The following DST variants were observed in gnomAD, a reference collection of about 807,000 sequenced individuals.
The protein encoded by DST is bullous pemphigoid antigen.
In DST, 253 loss-of-function variants were observed where a neutral mutation model predicts 875.2. That is an observed-to-expected ratio of 0.29 (90% CI 0.26 to 0.32). The LOEUF is 0.32. Ranked by LOEUF, DST falls within the 10% of genes least tolerant of loss-of-function variation. DST has a pLI of 1.00. For missense variants in DST, 8,287 were observed against 9,111.6 expected (o/e 0.91, Z 3.68); for synonymous variants, 3,124 against 3,197.1 (o/e 0.98, Z 0.77).
intron 10 of DST, among the ~76,000 whole-genome samples, chr6:56,661,506 C>T (rs2099041513): frequency 6.6e-6 from 1 of 151,994 alleles, no homozygotes; most frequent in African/African-American, 2.4e-5. Flanking sequence ...GGAGGGGAAA[C>T]TCATGTTGAT....
At chr6:56,942,765 G>C (rs1374688151) in intron 2 of DST, among the ~76,000 whole-genome samples, 1 of 143,594 alleles carries the variant, frequency 7.0e-6, no homozygotes, top group Non-Finnish European at 1.5e-5. Context: ...GCCCAGGCTA[G>C]AGTGCAGTGG....
At chr6:56,707,481 G>T (rs1217968803) in intron 5 of DST, among the ~76,000 whole-genome samples, 1 of 152,262 alleles carries the variant, frequency 6.6e-6, no homozygotes, top group Admixed American at 6.5e-5. Flanking sequence ...TGGCTTTATT[G>T]TGCAGGTCTG....
intron 69 of DST, among the ~76,000 whole-genome samples, chr6:56,523,206 G>A (rs1471602996): frequency 6.6e-6 from 1 of 152,002 alleles, no homozygotes; most frequent in Non-Finnish European, 1.5e-5. Flanking sequence ...CTGGTGGGTG[G>A]TATCAGTGAA....
intron 90 of DST, among the ~76,000 whole-genome samples, chr6:56,480,090 C>T (rs1029568684): frequency 1.3e-5 from 2 of 152,004 alleles, no homozygotes; most frequent in South Asian, 2.1e-4. Context: ...TTTGTGTTCC[C>T]GGTAGTTGGT....
chr6:56,608,433 A>G lies in DST; in HGVS notation c.6195T>C (p.Ala2065=), dbSNP rs1427326509. 1 of 1,613,772 alleles carries G rather than the reference A, an allele frequency of 6.2e-7. No homozygotes were observed. Among genetic ancestry groups the G allele is most frequent in the East Asian group, 2.2e-5 (1 of 44,884 alleles). ...AAATGAGTCCAACATAGCCTCGCTG[A>G]GCTTCCAGGACCAGAAGAGCACTGC... ...TSSSALLVLE[A]QRGYVGLIWP... The change falls in exon 40 of 104, where the codon GCT becomes GCC. Residue 2065 remains alanine, a synonymous_variant. Coordinates refer to ENST00000680361, the MANE Select transcript of DST (RefSeq NM_001374736.1).
intron 36 of DST, chr6:56,618,808 T>C (rs2098656346): frequency 6.2e-7 from 1 of 1,614,062 alleles, no homozygotes; most frequent in South Asian, 1.1e-5. Flanking sequence ...TACCAGATTC[T>C]TCCTGAAACA....
At position 56,718,376 on chromosome 6, in the gene DST, C is replaced by T. The variant is rs2099402322; in HGVS notation, c.688-14007G>A. ...ATTAAAATGAGCTAACACTTCACAC[C>T]TTCTAGGATTGCTAAAATCAAAGAC... On this transcript the variant is annotated intron_variant, in intron 5 of 103. Coordinates refer to ENST00000680361, the MANE Select transcript of DST (RefSeq NM_001374736.1). Among the ~76,000 whole-genome samples the T allele has an allele frequency of 2.6e-5, 4 of 152,154 alleles. No individual in the cohort carries two copies. The South Asian group carries it at 6.2e-4, about 24-fold the overall frequency.
chr6:56,471,570 T>C (rs1404003529), intron 94 of DST, among the ~76,000 whole-genome samples: 1 of 152,180 alleles, frequency 6.6e-6, no homozygotes, highest in Non-Finnish European at 1.5e-5. Context: ...CTCACTGGGA[T>C]AGCAGGTCCA....
chr6:56,871,042 C>A (rs1776845881), intron 3 of DST: 4 of 400,228 alleles, frequency 1.0e-5, no homozygotes, highest in Admixed American at 7.9e-5. Flanking sequence ...TACAAACAAC[C>A]AAAGAAGAAA....
chr6:56,555,539 T>G lies in DST; in HGVS notation c.14942A>C (p.Asp4981Ala). Residue 4981 changes from aspartate to alanine, a missense_variant, in exon 60 of 104, where the codon GAT (aspartate) becomes GCT (alanine). Around this residue, in one of 10 missense-constraint regions of DST, gnomAD observed 1,513 missense variants for 1,677.8 expected, o/e 0.90. Coordinates refer to ENST00000680361, the MANE Select transcript of DST (RefSeq NM_001374736.1). The part of the protein sequence containing the change: ...SSSLAVSTHP[D>A]AMNQQLETAQ... ...TGTTTCCAACTGTTGGTTCATAGCA[T>G]CAGGGTGCGTGCTCACAGCCAGACT... 1 of 1,614,038 alleles carries G rather than the reference T, an allele frequency of 6.2e-7. No individual in the cohort carries two copies. The highest frequency in any genetic ancestry group is 8.5e-7 in the Non-Finnish European group (1 of 1,179,904).
chr6:56,606,737 C>T lies in DST; in HGVS notation c.7891G>A (p.Asp2631Asn), dbSNP rs2152711304. 1 of 1,613,452 alleles carries T rather than the reference C, an allele frequency of 6.2e-7. No homozygotes were observed. Among genetic ancestry groups the T allele is most frequent in the Middle Eastern group, 1.7e-4 (1 of 6,058 alleles). The change falls in exon 40 of 104, where the codon GAT becomes AAT. Residue 2631 changes from aspartate to asparagine, a missense_variant. By Grantham distance (23) the Asp-to-Asn change is conservative. This residue lies in a region of DST where 3,138 missense variants were observed against 3,116.6 expected (regional missense o/e 1.01). Transcript: ENST00000680361. ...DDHDSLLLDG[D>N]DRDCLHPEDY... ...TCAGGGTGCAGGCAATCACGATCAT[C>T]ACCATCAAGAAGCAAAGAATCATGG...
At chr6:56,543,923 C>A (rs1268063567) in intron 61 of DST, among the ~76,000 whole-genome samples, 1 of 151,242 alleles carries the variant, frequency 6.6e-6, no homozygotes, top group Non-Finnish European at 1.5e-5. Flanking sequence ...ATCCATTCAA[C>A]AATTATTAGA....
At chr6:56,467,442 A>C (rs1417583902) in intron 98 of DST, 2 of 152,136 alleles carry the variant, frequency 1.3e-5, no homozygotes, top group Non-Finnish European at 2.9e-5. Context: ...AAAAACCACT[A>C]TTTCTAAATC....
rs958123228 is a variant in DST at position 56,636,610 on chromosome 6, G to T, written c.3007C>A (p.Gln1003Lys). 5 of 1,613,636 alleles carry T rather than the reference G, an allele frequency of 3.1e-6. No homozygotes were observed. The highest frequency in any genetic ancestry group is 4.2e-6 in the Non-Finnish European group (5 of 1,179,970). The change falls in exon 23 of 104, where the codon CAG (glutamine) becomes AAG (lysine). Residue 1003 changes from glutamine (Q) to lysine (K), a missense_variant. Gln to Lys is a moderately conservative substitution (Grantham distance 53, BLOSUM62 1). Around this residue, in one of 10 missense-constraint regions of DST, gnomAD observed 1,160 missense variants for 1,424.3 expected, o/e 0.81. Transcript: ENST00000680361. Reference protein sequence around the residue: ...AMQTQWSWILQLCQCVEQHIK... With the variant: ...AMQTQWSWILKLCQCVEQHIK... The stretch of plus-strand genomic sequence containing the variant: ...TGCTGCTCCACACACTGGCAGAGCT[G>T]TAAGATCCAGCTCCACTGCGTCTGC...
intron 36 of DST, chr6:56,615,104 T>G (rs886061642): frequency 9.9e-5 from 102 of 1,032,396 alleles, no homozygotes; most frequent in Non-Finnish European, 1.1e-4. Flanking sequence ...CGAATTTATA[T>G]CTTTCTCTTT....
chr6:56,636,402 GTA>G (rs375815463), intron 23 of DST, among the ~76,000 whole-genome samples, 153 bp downstream of exon 23: 102 of 149,700 alleles, frequency 6.8e-4, no homozygotes, highest in East Asian at 2.2e-3. Context: ...ACGTATGTGT[GTA>G]TATATATACA....
At position 56,798,902 on chromosome 6, in the gene DST, A is replaced by C. The variant is rs185050265; in HGVS notation, c.625+52495T>G. On this transcript the variant is annotated intron_variant, in intron 4 of 103. Transcript: ENST00000680361. ...GAAGGGTTGAGGACTTCAGTCCAGG[A>C]AGTAACTGCAGATGTGGTGGAAATA... Among the ~76,000 whole-genome samples, 528 of 152,294 alleles carry C rather than the reference A, an allele frequency of 3.5e-3. 2 individuals are homozygous for C. Among genetic ancestry groups the C allele is most frequent in the Non-Finnish European group, 4.1e-3 (276 of 68,012 alleles).
intron 2 of DST, among the ~76,000 whole-genome samples, chr6:56,923,967 T>C (rs1805636353): frequency 6.6e-6 from 1 of 152,022 alleles, no homozygotes; most frequent in African/African-American, 2.4e-5. Flanking sequence ...CTACTAAAGA[T>C]ACAAAAATTC....
At chr6:56,683,265 C>T (rs2152845274) in intron 9 of DST, among the ~76,000 whole-genome samples, 1 of 152,318 alleles carries the variant, frequency 6.6e-6, no homozygotes, top group South Asian at 2.1e-4. Flanking sequence ...TGTTTTGAAA[C>T]ACATTCGTGA....
Sources: allele counts gnomAD v4.1 joint callset (sites outside exome capture counted in the v4.1 genomes callset), GRCh38; gene constraint gnomAD v4.1.1; regional missense constraint gnomAD v4.1.1; transcripts MANE v1.5; gene names NCBI Gene and HGNC (gene_info 2026-07-23, HGNC 2026-07-21).